The following FGD5 variants were observed in gnomAD, a reference collection of about 807,000 sequenced individuals.
FGD5 encodes the protein FYVE, RhoGEF and PH domain-containing protein 5.
In FGD5, 28 loss-of-function variants were observed where a neutral mutation model predicts 133.4. The observed-to-expected ratio is 0.21, with a 90% CI of 0.16 to 0.29. FGD5 has a LOEUF of 0.29. FGD5 is among the 10% of genes least tolerant of loss of function. The probability of loss-of-function intolerance (pLI) is 1.00; values close to 1 mark genes in which losing one functional copy is unlikely to be tolerated. For synonymous variants in FGD5, 810 were observed against 776.5 expected (o/e 1.04, Z -0.72); for missense variants, 1,858 against 1,895.2 (o/e 0.98, Z 0.36).
intron 10 of FGD5, among the ~76,000 whole-genome samples, chr3:14,908,332 C>T (rs2038377479): frequency 6.6e-6 from 1 of 151,992 alleles, no homozygotes; most frequent in Non-Finnish European, 1.5e-5. Context: ...ATTTGTATCT[C>T]CAGAATTACG....
intron 10 of FGD5, among the ~76,000 whole-genome samples, chr3:14,908,550 A>G (rs1436246513): frequency 1.3e-5 from 2 of 152,336 alleles, no homozygotes; most frequent in African/African-American, 4.8e-5. Flanking sequence ...TCTGGAAAAA[A>G]TAATTTAGAA....
At chr3:14,906,584 G>A (rs752412155) in intron 9 of FGD5, among the ~76,000 whole-genome samples, 4 of 152,240 alleles carry the variant, frequency 2.6e-5, no homozygotes, top group Admixed American at 6.5e-5. Context: ...TGGGCACGTG[G>A]CAGAGACTCG....
rs374888466 is a variant in FGD5 at position 14,875,417 on chromosome 3, T to C, written c.2659-5155T>C. The stretch of plus-strand genomic sequence containing the variant: ...CCTAGAGATGTTTATTGAGGCTGTG[T>C]GGGGATTCTGGGCACAGGAAACTGT... On this transcript the variant is annotated intron_variant, in intron 2 of 19. Coordinates refer to ENST00000285046, the MANE Select transcript of FGD5 (RefSeq NM_152536.4). Among the ~76,000 whole-genome samples the C allele has an allele frequency of 1.0e-3, 157 of 152,226 alleles. 1 individual carries two copies. Among genetic ancestry groups the C allele is most frequent in the African/African-American group, 3.4e-3 (141 of 41,518 alleles).
Position 14,921,977 on chromosome 3 carries a change from A to G in FGD5, c.3629A>G (p.Tyr1210Cys). 2 of 1,571,422 alleles carry G rather than the reference A, an allele frequency of 1.3e-6. No individual in the cohort carries two copies. The highest frequency in any genetic ancestry group is 2.3e-5 in the South Asian group (2 of 85,304). The change falls in exon 14 of 20, where the codon TAC becomes TGC. Residue 1210 changes from tyrosine to cysteine, a missense_variant. Transcript: ENST00000285046. The stretch of plus-strand genomic sequence containing the variant: ...CTGAGCAGAGCCCTCCCTGAGGACT[A>G]CAAGGCCCAGGCGCTGGCTGCATTC... ...GCLSRALPEDYKAQALAAFHH... is the reference protein window; with the variant it reads ...GCLSRALPEDCKAQALAAFHH...
chr3:14,826,069 G>T (rs1185592861), intron 1 of FGD5, among the ~76,000 whole-genome samples: 1 of 152,154 alleles, frequency 6.6e-6, no homozygotes, highest in Non-Finnish European at 1.5e-5. Context: ...TCATATGTTT[G>T]TGTTTTGCAT....
intron 1 of FGD5, among the ~76,000 whole-genome samples, chr3:14,852,151 T>C (rs2037175995): frequency 6.6e-6 from 1 of 152,222 alleles, no homozygotes; most frequent in South Asian, 2.1e-4. Flanking sequence ...TACACAGATA[T>C]TCACAGCAGC....
chr3:14,839,561 A>G (rs1024438273), intron 1 of FGD5, among the ~76,000 whole-genome samples: 1 of 152,200 alleles, frequency 6.6e-6, no homozygotes, highest in Non-Finnish European at 1.5e-5. Flanking sequence ...GAGCTCTGCC[A>G]CAGAGGAGGG....
rs367631926 is a variant in FGD5 at position 14,820,996 on chromosome 3, C to G, written c.1925C>G (p.Ser642Cys). The G allele has an allele frequency of 3.3e-5, 53 of 1,613,778 alleles. No individual in the cohort carries two copies. The highest frequency in any genetic ancestry group is 6.7e-5 in the African/African-American group (5 of 74,870). Residue 642 changes from serine to cysteine, a missense_variant, in exon 1 of 20, where the codon TCC (serine) becomes TGC (cysteine). Physicochemically the swap from Ser to Cys is moderately radical, Grantham distance 112. Coordinates refer to ENST00000285046, the MANE Select transcript of FGD5 (RefSeq NM_152536.4). Reference sequence around the variant, plus strand: ...CCCTCACTCCTGATCGAGAGCGACTCCCCGGACAAGTACAAGAAGAAGAAG... The same window carrying G: ...CCCTCACTCCTGATCGAGAGCGACTGCCCGGACAAGTACAAGAAGAAGAAG... ...SSPSLLIESDSPDKYKKKKSS... is the reference protein window; with the variant it reads ...SSPSLLIESDCPDKYKKKKSS...
chr3:14,911,019 T>G (rs1716969), intron 11 of FGD5, 90 bp downstream of exon 11: 97,468 of 1,284,704 alleles, frequency 0.076, 7,895 homozygotes, highest in East Asian at 0.44. Flanking sequence ...TGGAATAGGG[T>G]GAGAGGAGAG....
intron 1 of FGD5, among the ~76,000 whole-genome samples, chr3:14,851,904 A>G (rs1422910081): frequency 7.0e-6 from 1 of 142,220 alleles, no homozygotes; most frequent in Non-Finnish European, 1.5e-5. Flanking sequence ...GCCACTTCAA[A>G]CCCACTAGGA....
At chr3:14,933,058 C>A in intron 19 of FGD5, 73 bp from the exon 20 acceptor site, 1 of 1,537,072 alleles carries the variant, frequency 6.5e-7, no homozygotes, top group East Asian at 2.3e-5. Flanking sequence ...CTAGTCCAGT[C>A]TTTTCTAGGT....
chr3:14,918,041 T>G (rs981103472), intron 12 of FGD5, among the ~76,000 whole-genome samples: 4 of 152,264 alleles, frequency 2.6e-5, no homozygotes, highest in Admixed American at 2.6e-4. Context: ...TTCAATCCTC[T>G]GCCGATGGAC....
upstream of FGD5, among the ~76,000 whole-genome samples, chr3:14,816,172 G>T (rs749123425): frequency 6.6e-6 from 1 of 152,212 alleles, no homozygotes; most frequent in Non-Finnish European, 1.5e-5. Context: ...TGGGACGGGG[G>T]TGATATAGCC....
chr3:14,854,015 G>A (rs1474265891), intron 1 of FGD5, among the ~76,000 whole-genome samples: 1 of 145,136 alleles, frequency 6.9e-6, no homozygotes, highest in Non-Finnish European at 1.5e-5. Context: ...AGGCTCTTCA[G>A]AGCTGGCCAG....
Position 14,836,334 on chromosome 3 carries a change from C to T in FGD5, c.2525+14738C>T, listed in dbSNP as rs187953625. On this transcript the variant is annotated intron_variant, in intron 1 of 19. Transcript: ENST00000285046. The stretch of plus-strand genomic sequence containing the variant: ...CTGGTTCAAGCCCAAGTTTGCTTGC[C>T]GGCTGGAGGCCAGAGGTCAAGGCTG... Among the ~76,000 whole-genome samples the T allele has an allele frequency of 4.8e-3, 735 of 152,276 alleles. 4 individuals carry two copies. The highest frequency in any genetic ancestry group is 0.01 in the Middle Eastern group (3 of 294).
At position 14,917,178 on chromosome 3, in the gene FGD5, T is replaced by C; in HGVS notation, c.3406-71T>C. The C allele has an allele frequency of 7.2e-7, 1 of 1,390,946 alleles. No individual in the cohort carries two copies. The highest frequency in any genetic ancestry group is 1.0e-6 in the Non-Finnish European group (1 of 1,001,656). 86.2% of individuals were successfully genotyped at this position (1,390,946 alleles called of 1,614,324 possible). On this transcript the variant is annotated intron_variant, in intron 11 of 19. Coordinates refer to ENST00000285046, the MANE Select transcript of FGD5 (RefSeq NM_152536.4). The surrounding 1 kb of genome is among the most constrained non-coding windows in gnomAD (Gnocchi z 4.1). ...GCCTGTGCACAGCGGAGCTCAGGGA[T>C]CCTTTGAGGACAGAAGCCTGGCGCA...
At chr3:14,923,018 G>T in intron 15 of FGD5, 28 bp from the exon 16 acceptor site, 2 of 1,613,694 alleles carry the variant, frequency 1.2e-6, no homozygotes, top group Non-Finnish European at 1.7e-6. Flanking sequence ...ACTGAGAGGG[G>T]TGAGAATCTT....
intron 11 of FGD5, among the ~76,000 whole-genome samples, chr3:14,912,430 A>G (rs199941238): frequency 2.3e-5 from 3 of 128,054 alleles, no homozygotes; most frequent in African/African-American, 7.5e-5. Context: ...AGTGGACCCC[A>G]GGGGGGATTT....
At chr3:14,847,358 G>A (rs571783917) in intron 1 of FGD5, among the ~76,000 whole-genome samples, 15 of 152,218 alleles carry the variant, frequency 9.9e-5, no homozygotes, top group Admixed American at 3.3e-4. Flanking sequence ...GTTTTTGTCC[G>A]AGATCATGGG....
Sources: allele counts gnomAD v4.1 joint callset (sites outside exome capture counted in the v4.1 genomes callset), GRCh38; gene constraint gnomAD v4.1.1; non-coding constraint Gnocchi (gnomAD v3.1); transcripts MANE v1.5; gene names NCBI Gene and HGNC (gene_info 2026-07-23, HGNC 2026-07-21).